ANKH: variants seen among roughly 807,000 people sequenced by gnomAD.
ANKH encodes the protein mineralization regulator ANKH.
Under a neutral mutation model 49.0 loss-of-function variants are expected in ANKH, and 15 were observed. The observed-to-expected ratio is 0.31, with a 90% CI of 0.20 to 0.47. The LOEUF is 0.47. ANKH is among the 20% of genes least tolerant of loss of function. The probability of loss-of-function intolerance (pLI) is 1.00; values close to 1 mark genes in which losing one functional copy is unlikely to be tolerated. For missense variants in ANKH, 429 were observed against 652.0 expected (o/e 0.66, Z 3.72); for synonymous variants, 273 against 260.0 (o/e 1.05, Z -0.48).
At chr5:14,833,723 C>T (rs969145628) in intron 1 of ANKH, among the ~76,000 whole-genome samples, 22 of 152,196 alleles carry the variant, frequency 1.4e-4, no homozygotes. Flanking sequence ...CCAAACTGAC[C>T]TGTAGGCCCT....
chr5:14,716,483 C>G (rs761085267), intron 9 of ANKH, among the ~76,000 whole-genome samples: 2 of 151,586 alleles, frequency 1.3e-5, no homozygotes, highest in African/African-American at 2.4e-5. Context: ...CGGAATGAAA[C>G]TCTGTCTCCA....
rs561871600 is a variant in ANKH, at chr5:14,705,389, G to C, written c.*5808C>G. The C allele has an allele frequency of 2.6e-5, 4 of 152,232 alleles. No individual in the cohort carries two copies. In the East Asian group the frequency reaches 7.7e-4, roughly 29 times the overall value. 9.4% of individuals were successfully genotyped at this position (152,232 alleles called of 1,614,324 possible). The stretch of plus-strand genomic sequence containing the variant: ...ATCTCATACGACGTTCTAAATCCTA[G>C]ATCATAAACAGAATGTTAGATCAGG... On this transcript the variant is annotated 3_prime_UTR_variant, in exon 12 of 12. Transcript: ENST00000284268.
chr5:14,805,051 T>C (rs565424288), intron 1 of ANKH, among the ~76,000 whole-genome samples: 7 of 152,320 alleles, frequency 4.6e-5, no homozygotes, highest in Non-Finnish European at 7.3e-5. Context: ...TGATTTTTGA[T>C]GTGTCTGCGA....
chr5:14,713,794 G>T lies in ANKH; in HGVS notation c.1142-127C>A, dbSNP rs562361408. On this transcript the variant is annotated intron_variant, in intron 9 of 11. Transcript: ENST00000284268. This position sits in a 1 kb window ranked among gnomAD's most constrained non-coding sequence, Gnocchi z 4.4. ...AGGACCCTGGCCTTGCTGTTGAGCC[G>T]CTGGCCACCTCATCTTCCTGCCAGG... The T allele has an allele frequency of 1.6e-5, 22 of 1,343,200 alleles. No individual in the cohort carries two copies. Among genetic ancestry groups the T allele is most frequent in the Non-Finnish European group, 2.3e-5 (22 of 949,142 alleles). The allele number at this position is 1,343,200 out of a possible 1,614,324, so 83.2% of individuals were successfully genotyped here. A position where few individuals can be genotyped will look rare whatever the true frequency, so the allele number is the denominator to read the frequency against.
intron 2 of ANKH, among the ~76,000 whole-genome samples, chr5:14,761,790 GTCT>G (rs1389453137): frequency 6.8e-5 from 10 of 147,934 alleles, no homozygotes; most frequent in African/African-American, 2.0e-4. Flanking sequence ...TTGAGACAGA[GTCT>G]CGCTCTGTCT....
At chr5:14,811,894 A>C (rs17252415) in intron 1 of ANKH, among the ~76,000 whole-genome samples, 13,955 of 152,150 alleles carry the variant, frequency 0.092, 817 homozygotes, top group Admixed American at 0.12. Context: ...TCTACTCTTA[A>C]GCCTTCAAGG....
At chr5:14,798,083 T>A in intron 1 of ANKH, 1 of 1,576,486 alleles carries the variant, frequency 6.3e-7, no homozygotes, top group Non-Finnish European at 8.7e-7. Flanking sequence ...AACCAAAACC[T>A]CCAAATTCTC....
At chr5:14,758,183 C>T (rs990795171) in intron 3 of ANKH, among the ~76,000 whole-genome samples, 5 of 152,186 alleles carry the variant, frequency 3.3e-5, no homozygotes, top group African/African-American at 7.2e-5. Flanking sequence ...AAAGTACAAA[C>T]GCTGTATGAT....
intron 8 of ANKH, among the ~76,000 whole-genome samples, chr5:14,738,617 G>A (rs1436610451): frequency 1.3e-5 from 2 of 152,002 alleles, no homozygotes; most frequent in Admixed American, 6.6e-5. Flanking sequence ...CTGATATTAC[G>A]AAGTTTCAAA....
rs1737783254 is a variant in ANKH, at chr5:14,725,062, T to C, written c.1012-8227A>G. On this transcript the variant is annotated intron_variant, in intron 8 of 11. Coordinates refer to ENST00000284268, the MANE Select transcript of ANKH (RefSeq NM_054027.6). The surrounding 1 kb of genome is among the most constrained non-coding windows in gnomAD (Gnocchi z 4.0). ...GCTTGAAAAAAAGGTTCAATATACC[T>C]TTTTAATTGGGTTGAAGTCCCCACC... 6.6e-6 allele frequency among the ~76,000 whole-genome samples: 1 copy of C among 152,186 alleles called. No homozygotes were observed. Among genetic ancestry groups the C allele is most frequent in the African/African-American group, 2.4e-5 (1 of 41,454 alleles).
chr5:14,785,417 T>C (rs1397660903), intron 1 of ANKH, among the ~76,000 whole-genome samples: 1 of 152,108 alleles, frequency 6.6e-6, no homozygotes, highest in Non-Finnish European at 1.5e-5. Context: ...GACCTTCCAC[T>C]CCTCCCTCTC....
chr5:14,788,489 G>A (rs1055489134), intron 1 of ANKH, among the ~76,000 whole-genome samples: 3 of 152,220 alleles, frequency 2.0e-5, no homozygotes, highest in South Asian at 4.1e-4. Flanking sequence ...CATTGTTCAT[G>A]AAAGAGCATG....
intron 1 of ANKH, among the ~76,000 whole-genome samples, chr5:14,855,848 G>GAAAAAAAAAAAAA (rs796584176): frequency 8.3e-6 from 1 of 119,880 alleles, no homozygotes; most frequent in East Asian, 2.6e-4. Context: ...AAAAGAAAAA[G>GAAAAAAAAAAAAA]AAAAAAAAAA....
chr5:14,755,735 C>T (rs771863363), intron 4 of ANKH, 126 bp downstream of exon 4: 96 of 822,484 alleles, frequency 1.2e-4, no homozygotes, highest in Non-Finnish European at 1.7e-4. Context: ...TGTGATGTAA[C>T]GGTGCTGGCA....
At chr5:14,714,437 G>GC (rs1411716056) in intron 9 of ANKH, among the ~76,000 whole-genome samples, 1 of 152,226 alleles carries the variant, frequency 6.6e-6, no homozygotes, top group East Asian at 1.9e-4. Flanking sequence ...GCAGGGCAGG[G>GC]CCTGGGCCTT....
At chr5:14,780,269 A>G (rs1334054418) in intron 1 of ANKH, among the ~76,000 whole-genome samples, 1 of 152,184 alleles carries the variant, frequency 6.6e-6, no homozygotes, top group Non-Finnish European at 1.5e-5. Context: ...TGGGCCAGAC[A>G]TGGTGGCTCA....
At chr5:14,844,646 C>T (rs1425274650) in intron 1 of ANKH, among the ~76,000 whole-genome samples, 1 of 152,232 alleles carries the variant, frequency 6.6e-6, no homozygotes, top group African/African-American at 2.4e-5. Flanking sequence ...AAGGTGGTCA[C>T]AGGTGGCTAT....
At chr5:14,772,509 C>A (rs570454539) in intron 1 of ANKH, among the ~76,000 whole-genome samples, 3 of 152,264 alleles carry the variant, frequency 2.0e-5, no homozygotes, top group South Asian at 2.1e-4. Context: ...TCCATAAGAA[C>A]CTTCTTAGCC....
chr5:14,852,321 T>C (rs970650551), intron 1 of ANKH, among the ~76,000 whole-genome samples: 3 of 152,062 alleles, frequency 2.0e-5, no homozygotes, highest in African/African-American at 7.2e-5. Context: ...AAGGGCTAAT[T>C]AAGGAAAAGG....
Sources: gnomAD v4.1 joint callset for allele counts (sites outside exome capture counted in the v4.1 genomes callset) on GRCh38, gnomAD v4.1.1 for gene constraint, Gnocchi (gnomAD v3.1) non-coding constraint, MANE v1.5 for transcripts, NCBI Gene and HGNC (gene_info 2026-07-23, HGNC 2026-07-21) for gene names.